The following PPP3CA variants were observed in gnomAD, a reference collection of about 807,000 sequenced individuals.
PPP3CA encodes the protein CAM-PRP catalytic subunit.
In PPP3CA, 14 loss-of-function variants were observed where a neutral mutation model predicts 66.5. The ratio of observed to expected loss-of-function variants is 0.21; its 90% confidence interval spans 0.14 to 0.33. The LOEUF is 0.33. Among genes scored for constraint, PPP3CA ranks in the 10% least tolerant of loss-of-function variants. PPP3CA has a pLI of 1.00. For missense variants in PPP3CA, 317 were observed against 639.5 expected, an observed-to-expected ratio of 0.50 and a Z score of 5.44; for synonymous variants, 232 against 226.2, an observed-to-expected ratio of 1.03 and a Z score of -0.23.
chr4:101,286,230 A>G (rs996487454), intron 1 of PPP3CA, among the ~76,000 whole-genome samples: 7 of 152,202 alleles, frequency 4.6e-5, no homozygotes, highest in Non-Finnish European at 8.8e-5. Flanking sequence ...GCCAGCCACT[A>G]ACCTCCTGTG....
chr4:101,157,524 G>A (rs1031385641), intron 2 of PPP3CA, among the ~76,000 whole-genome samples: 1 of 152,204 alleles, frequency 6.6e-6, no homozygotes, highest in African/African-American at 2.4e-5. Context: ...CTGGGAGACA[G>A]GGAGGATGGC....
At chr4:101,115,496 A>AAT (rs1177891569) in intron 2 of PPP3CA, among the ~76,000 whole-genome samples, 1 of 151,948 alleles carries the variant, frequency 6.6e-6, no homozygotes, top group Non-Finnish European at 1.5e-5. Context: ...TCTACAAATA[A>AAT]ATATATATTA....
At chr4:101,327,180 C>T (rs926890358) in intron 1 of PPP3CA, among the ~76,000 whole-genome samples, 2 of 152,106 alleles carry the variant, frequency 1.3e-5, no homozygotes, top group Non-Finnish European at 2.9e-5. Flanking sequence ...ATAATTTACG[C>T]ACATTTCCAT....
intron 1 of PPP3CA, among the ~76,000 whole-genome samples, chr4:101,323,548 G>A (rs1468604414): frequency 6.6e-6 from 1 of 152,120 alleles, no homozygotes; most frequent in Non-Finnish European, 1.5e-5. Flanking sequence ...CTCAAATCAG[G>A]AATCCAATTT....
At chr4:101,207,569 C>G (rs1725172486) in intron 1 of PPP3CA, among the ~76,000 whole-genome samples, 1 of 152,176 alleles carries the variant, frequency 6.6e-6, no homozygotes, top group South Asian at 2.1e-4. Flanking sequence ...TGTCGAATAC[C>G]TGTAATCCCA....
chr4:101,284,650 C>T (rs1727780179), intron 1 of PPP3CA, among the ~76,000 whole-genome samples: 1 of 151,970 alleles, frequency 6.6e-6, no homozygotes, highest in Admixed American at 6.6e-5. Flanking sequence ...CTACTCCCCA[C>T]CCCCATGTCT....
chr4:101,193,945 AG>A (rs1724705043), intron 2 of PPP3CA, among the ~76,000 whole-genome samples: 1 of 152,212 alleles, frequency 6.6e-6, no homozygotes, highest in Non-Finnish European at 1.5e-5. Context: ...AAAAAGTAGG[AG>A]GGAAGGACTA....
Position 101,098,487 on chromosome 4 carries a change from T to A in PPP3CA, c.522A>T (p.Val174=). The part of the protein sequence containing the change: ...QECKIKYSER[V]YDACMDAFDC... Reference sequence around the variant, plus strand: ...CAAAGGCATCCATACAGGCATCATATACGCGTTCTGAATACTTTATTTTAC... The same window carrying A: ...CAAAGGCATCCATACAGGCATCATAAACGCGTTCTGAATACTTTATTTTAC... Residue 174 remains valine, a synonymous_variant, in exon 5 of 14, where the codon GTA becomes GTT. Coordinates refer to ENST00000394854, the MANE Select transcript of PPP3CA (RefSeq NM_000944.5). The A allele has an allele frequency of 2.5e-6, 4 of 1,609,546 alleles. No homozygotes were observed. The highest frequency in any genetic ancestry group is 3.4e-6 in the Non-Finnish European group (4 of 1,177,660).
chr4:101,151,208 T>C (rs910211875), intron 2 of PPP3CA, among the ~76,000 whole-genome samples: 3 of 152,166 alleles, frequency 2.0e-5, no homozygotes, highest in Non-Finnish European at 4.4e-5. Flanking sequence ...ATAATCAATG[T>C]TCTGGCCAAA....
At chr4:101,028,781 A>C (rs1402140347) in intron 13 of PPP3CA, among the ~76,000 whole-genome samples, 1 of 152,158 alleles carries the variant, frequency 6.6e-6, no homozygotes, top group Non-Finnish European at 1.5e-5. Context: ...TAAGATGGCT[A>C]TTTTTATTCT....
intron 5 of PPP3CA, among the ~76,000 whole-genome samples, chr4:101,094,943 A>C (rs916824448): frequency 6.6e-6 from 1 of 152,136 alleles, no homozygotes; most frequent in South Asian, 2.1e-4. Context: ...AATGAAGACA[A>C]GTGAACATAT....
intron 1 of PPP3CA, among the ~76,000 whole-genome samples, chr4:101,201,344 G>A (rs1011785124): frequency 6.6e-5 from 10 of 152,042 alleles, no homozygotes; most frequent in African/African-American, 2.4e-4. Flanking sequence ...TTCAAAACTG[G>A]TTGCACACTG....
intron 1 of PPP3CA, among the ~76,000 whole-genome samples, chr4:101,319,205 G>T (rs1728967999): frequency 6.9e-6 from 1 of 145,274 alleles, no homozygotes; most frequent in East Asian, 2.0e-4. Context: ...TAAAAAGGAA[G>T]AACAGAGAGT....
intron 10 of PPP3CA, among the ~76,000 whole-genome samples, chr4:101,052,874 A>C (rs1728071049): frequency 6.6e-6 from 1 of 152,068 alleles, no homozygotes; most frequent in African/African-American, 2.4e-5. Context: ...AAAAAGAAAG[A>C]TGTCCCCCAT....
chr4:101,149,978 C>T (rs950343554), intron 2 of PPP3CA, among the ~76,000 whole-genome samples: 1 of 152,050 alleles, frequency 6.6e-6, no homozygotes, highest in African/African-American at 2.4e-5. Flanking sequence ...ACAGTGGTCC[C>T]AAAGTCACAG....
rs79944535 is a variant in PPP3CA at position 101,244,315 on chromosome 4, C to T, written c.59-48199G>A. On this transcript the variant is annotated intron_variant, in intron 1 of 13. Coordinates refer to ENST00000394854, the MANE Select transcript of PPP3CA (RefSeq NM_000944.5). ...CCACACAAAAGTAACTTAGAGTCCA[C>T]ACACTTCTAAGGGATCTCCTATTTT... Among the ~76,000 whole-genome samples, 1,124 of 152,232 alleles carry T rather than the reference C, an allele frequency of 7.4e-3. 9 individuals are homozygous for T. Among genetic ancestry groups the T allele is most frequent in the Middle Eastern group, 0.024 (7 of 294 alleles).
intron 1 of PPP3CA, among the ~76,000 whole-genome samples, chr4:101,227,527 G>T (rs1357597166): frequency 6.6e-6 from 1 of 151,706 alleles, no homozygotes; most frequent in Non-Finnish European, 1.5e-5. Context: ...AGAGGAGAGT[G>T]AACAGAACTT....
At chr4:101,058,807 T>C (rs1728335425) in intron 10 of PPP3CA, among the ~76,000 whole-genome samples, 1 of 152,196 alleles carries the variant, frequency 6.6e-6, no homozygotes, top group South Asian at 2.1e-4. Flanking sequence ...CATGTACCAG[T>C]GAAATGTGCA....
chr4:101,226,145 T>C (rs78324886), intron 1 of PPP3CA, among the ~76,000 whole-genome samples: 38,664 of 151,554 alleles, frequency 0.26, 6,642 homozygotes, highest in Non-Finnish European at 0.38. Context: ...AACAGATCTG[T>C]GCTGAAACAC....
Sources: gnomAD v4.1 joint callset for allele counts (sites outside exome capture counted in the v4.1 genomes callset) on GRCh38, gnomAD v4.1.1 for gene constraint, MANE v1.5 for transcripts, NCBI Gene and HGNC (gene_info 2026-07-23, HGNC 2026-07-21) for gene names.